TACR1: variants seen among roughly 807,000 people sequenced by gnomAD.
The protein encoded by TACR1 is substance-P receptor.
A neutral mutation model predicts 35.8 loss-of-function variants in TACR1; 25 were observed. The ratio of observed to expected loss-of-function variants is 0.70; its 90% confidence interval spans 0.51 to 0.98. TACR1 has a LOEUF of 0.98. Among genes scored for constraint, TACR1 ranks in the 50% least tolerant of loss-of-function variants. The pLI, the probability that TACR1 is intolerant of heterozygous loss-of-function variation, is 0.00. For missense variants in TACR1, 478 were observed against 522.9 expected, an observed-to-expected ratio of 0.91 and a Z score of 0.84; for synonymous variants, 195 against 206.7, an observed-to-expected ratio of 0.94 and a Z score of 0.48.
At chr2:75,070,693 A>C (rs1394079616) in intron 2 of TACR1, among the ~76,000 whole-genome samples, 2 of 152,200 alleles carry the variant, frequency 1.3e-5, no homozygotes, top group Non-Finnish European at 2.9e-5. Context: ...AATTCTCATA[A>C]CAACCAGAGA....
intron 2 of TACR1, among the ~76,000 whole-genome samples, chr2:75,071,448 C>A (rs1672876887): frequency 6.6e-6 from 1 of 152,204 alleles, no homozygotes; most frequent in Non-Finnish European, 1.5e-5. Context: ...TAATCCCTTC[C>A]CGCTCTCATA....
chr2:75,185,760 G>C (rs1238590036), intron 1 of TACR1, among the ~76,000 whole-genome samples: 2 of 152,126 alleles, frequency 1.3e-5, no homozygotes, highest in Non-Finnish European at 2.9e-5. Flanking sequence ...CTGAAGAGTG[G>C]CTTAACAGAA....
At chr2:75,086,834 G>A (rs193039501) in intron 2 of TACR1, among the ~76,000 whole-genome samples, 219 of 152,256 alleles carry the variant, frequency 1.4e-3, no homozygotes, top group Non-Finnish European at 2.7e-3. Flanking sequence ...TCAGATTCAG[G>A]TACTCTTAGG....
At chr2:75,061,405 A>G (rs763336830) in intron 2 of TACR1, among the ~76,000 whole-genome samples, 92 of 152,166 alleles carry the variant, frequency 6.0e-4, no homozygotes, top group Middle Eastern at 3.4e-3. Context: ...GTAGGTGTAG[A>G]TTCCATTCTT....
intron 1 of TACR1, among the ~76,000 whole-genome samples, chr2:75,174,598 C>T (rs1675369102): frequency 6.6e-6 from 1 of 152,164 alleles, no homozygotes; most frequent in Admixed American, 6.5e-5. Flanking sequence ...CCGTGGGTAA[C>T]TGAAACTGCA....
At chr2:75,084,419 T>A (rs1673152137) in intron 2 of TACR1, among the ~76,000 whole-genome samples, 2 of 152,256 alleles carry the variant, frequency 1.3e-5, no homozygotes, top group African/African-American at 2.4e-5. Flanking sequence ...CAGGCTTTGG[T>A]ATCAGGATGA....
chr2:75,132,911 C>T (rs2103932670), intron 1 of TACR1, among the ~76,000 whole-genome samples: 1 of 152,228 alleles, frequency 6.6e-6, no homozygotes, highest in South Asian at 2.1e-4. Context: ...TGTTTTCTGT[C>T]GACAGCACCA....
At chr2:75,156,602 C>CAAA (rs58048867) in intron 1 of TACR1, among the ~76,000 whole-genome samples, 7 of 108,496 alleles carry the variant, frequency 6.5e-5, no homozygotes, top group South Asian at 3.4e-4. Flanking sequence ...GACTCCGTCT[C>CAAA]AAAAAAAAAA....
intron 1 of TACR1, among the ~76,000 whole-genome samples, chr2:75,178,085 C>G (rs1455033999): frequency 1.3e-5 from 2 of 152,192 alleles, no homozygotes; most frequent in Non-Finnish European, 2.9e-5. Context: ...AGAAGATCTA[C>G]TTCATTTTGA....
chr2:75,066,204 CT>C (rs1358413409), intron 2 of TACR1, among the ~76,000 whole-genome samples: 1 of 152,124 alleles, frequency 6.6e-6, no homozygotes, highest in African/African-American at 2.4e-5. Flanking sequence ...ACCTCTGGGA[CT>C]TTGGGTAAAA....
chr2:75,150,558 G>A (rs897580011), intron 1 of TACR1, among the ~76,000 whole-genome samples: 4 of 152,072 alleles, frequency 2.6e-5, no homozygotes, highest in African/African-American at 9.7e-5. Flanking sequence ...TGAATCTCCT[G>A]CCATGATTGT....
At position 75,137,713 on chromosome 2, in the gene TACR1, A is replaced by AGAG. The variant is rs1294618375; in HGVS notation, c.390-16948_390-16946dup. On this transcript the variant is annotated intron_variant, in intron 1 of 4. Coordinates refer to ENST00000305249, the MANE Select transcript of TACR1 (RefSeq NM_001058.4). ...CGCTGCCCTCCAGCCTGGGCGACAG[A>AGAG]GAGAGTCTCCGTCTCAAAAAAAAAA... is the stretch of plus-strand genomic sequence containing the variant. Among the ~76,000 whole-genome samples, 5 of 123,960 alleles carry AGAG rather than the reference A, an allele frequency of 4.0e-5. No individual in the cohort carries two copies. In the Admixed American group the frequency reaches 4.8e-4, roughly 12 times the overall value. The allele number at this position is 123,960 out of a possible 152,430, so 81.3% of individuals were successfully genotyped here.
chr2:75,145,766 C>A (rs1674497000), intron 1 of TACR1, among the ~76,000 whole-genome samples: 1 of 152,206 alleles, frequency 6.6e-6, no homozygotes, highest in Admixed American at 6.5e-5. Flanking sequence ...AGACCTAATA[C>A]TGCACTGTTG....
At chr2:75,051,169 C>T in intron 4 of TACR1, 82 bp downstream of exon 4, 1 of 1,577,720 alleles carries the variant, frequency 6.3e-7, no homozygotes, top group Non-Finnish European at 8.7e-7. Flanking sequence ...GCTGGGTTTA[C>T]TCATTTAGGA....
intron 3 of TACR1, among the ~76,000 whole-genome samples, chr2:75,051,705 G>C (rs576880541): frequency 1.5e-3 from 230 of 152,292 alleles, no homozygotes; most frequent in African/African-American, 5.2e-3. Context: ...GCAAATTCTT[G>C]GACCCTATTT....
intron 1 of TACR1, among the ~76,000 whole-genome samples, chr2:75,162,478 T>C (rs13388105): frequency 0.11 from 16,832 of 152,252 alleles, 1,186 homozygotes; most frequent in African/African-American, 0.18. Context: ...CAATATTTAG[T>C]TCTTCTATTT....
intron 1 of TACR1, among the ~76,000 whole-genome samples, chr2:75,165,772 TG>T (rs1675128278): frequency 6.6e-6 from 1 of 152,196 alleles, no homozygotes; most frequent in African/African-American, 2.4e-5. Context: ...CTGCTCTTTT[TG>T]TCCTCCACTT....
At chr2:75,174,841 G>C (rs546777296) in intron 1 of TACR1, among the ~76,000 whole-genome samples, 8 of 152,276 alleles carry the variant, frequency 5.3e-5, no homozygotes, top group African/African-American at 1.9e-4. Flanking sequence ...AAACTAGATA[G>C]CTATGGATTT....
At chr2:75,173,076 G>C (rs184902581) in intron 1 of TACR1, among the ~76,000 whole-genome samples, 4 of 152,226 alleles carry the variant, frequency 2.6e-5, no homozygotes, top group Admixed American at 2.6e-4. Flanking sequence ...GAATCTTGGG[G>C]TGGGGGGTCA....
Sources: gnomAD v4.1 joint callset for allele counts (sites outside exome capture counted in the v4.1 genomes callset) on GRCh38, gnomAD v4.1.1 for gene constraint, MANE v1.5 for transcripts, NCBI Gene and HGNC (gene_info 2026-07-23, HGNC 2026-07-21) for gene names.